ANO4: variants seen among roughly 807,000 people sequenced by gnomAD.
The protein encoded by ANO4 is anoctamin 4.
A neutral mutation model predicts 141.9 loss-of-function variants in ANO4; 69 were observed. The ratio of observed to expected loss-of-function variants is 0.49; its 90% CI spans 0.40 to 0.59. The LOEUF (loss-of-function observed/expected upper bound fraction) is 0.59. Among genes scored for constraint, ANO4 ranks in the 20% least tolerant of loss-of-function variants. ANO4 has a pLI of 0.00. For synonymous variants in ANO4, 350 were observed against 394.3 expected (o/e 0.89, Z 1.33); for missense variants, 894 against 1,162.2 (o/e 0.77, Z 3.36).
chr12:101,110,317 G>T, intron 22 of ANO4, 87 bp from the exon 23 acceptor site: 1 of 1,367,378 alleles, frequency 7.3e-7, no homozygotes, highest in South Asian at 1.8e-5. Context: ...TGGGACTTAA[G>T]ACAATAACAT....
chr12:100,776,810 G>C (rs949884181), intron 3 of ANO4, among the ~76,000 whole-genome samples: 2 of 152,122 alleles, frequency 1.3e-5, no homozygotes, highest in African/African-American at 4.8e-5. Context: ...TTTTGCATTG[G>C]GAGTAATTTT....
At chr12:101,046,686 C>T (rs1362972030) in intron 13 of ANO4, among the ~76,000 whole-genome samples, 1 of 152,116 alleles carries the variant, frequency 6.6e-6, no homozygotes, top group African/African-American at 2.4e-5. Context: ...AACCGGAGCC[C>T]CTATAACCTT....
At chr12:101,013,956 A>AT (rs768016210) in intron 8 of ANO4, among the ~76,000 whole-genome samples, 210 of 152,290 alleles carry the variant, frequency 1.4e-3, no homozygotes, top group South Asian at 2.5e-3. Flanking sequence ...TAATAAGCTG[A>AT]TTTTAGATCC....
chr12:101,121,731 C>T (rs2051100626), intron 26 of ANO4, among the ~76,000 whole-genome samples: 1 of 151,068 alleles, frequency 6.6e-6, no homozygotes, highest in African/African-American at 2.4e-5. Context: ...TGAAGCCTCG[C>T]CAGCATCTGT....
At chr12:100,722,299 C>T (rs553174483) in intron 1 of ANO4, among the ~76,000 whole-genome samples, 1 of 152,314 alleles carries the variant, frequency 6.6e-6, no homozygotes, top group Non-Finnish European at 1.5e-5. Context: ...GGTTCCTCTG[C>T]TTCTAGTCCT....
rs1368938509 is a variant in ANO4, at chr12:101,043,535, C to G, written c.1155-4C>G. 6.2e-7 allele frequency: 1 copy of G among 1,608,650 alleles called. No individual in the cohort carries two copies. The highest frequency in any genetic ancestry group is 1.1e-5 in the South Asian group (1 of 90,862). On this transcript the variant is annotated splice_region_variant and splice_polypyrimidine_tract_variant and intron_variant, in intron 12 of 27. Transcript: ENST00000392977. ...AAAGCAGTCCTTTCTGTTCTCTTTT[C>G]CAGTAAAGAAGTCTGCCAAGCTACA...
intron 14 of ANO4, among the ~76,000 whole-genome samples, chr12:101,074,391 C>T (rs367921396): frequency 6.6e-5 from 10 of 152,132 alleles, no homozygotes; most frequent in South Asian, 2.1e-4. Context: ...AAAGTGGATA[C>T]GGAAAAAGCA....
intron 1 of ANO4, among the ~76,000 whole-genome samples, chr12:100,880,510 A>G (rs1490861191): frequency 1.3e-5 from 2 of 152,162 alleles, no homozygotes; most frequent in African/African-American, 4.8e-5. Flanking sequence ...CTTAATCACT[A>G]TATTATATTA....
chr12:100,788,407 A>G (rs750188579), intron 3 of ANO4, among the ~76,000 whole-genome samples: 6 of 152,184 alleles, frequency 3.9e-5, no homozygotes, highest in Non-Finnish European at 8.8e-5. Flanking sequence ...TCAGCTTGCC[A>G]TTCTTGGTCA....
At chr12:100,900,536 G>A (rs2040547523) in intron 1 of ANO4, among the ~76,000 whole-genome samples, 1 of 147,828 alleles carries the variant, frequency 6.8e-6, no homozygotes, top group Non-Finnish European at 1.5e-5. Context: ...CCACCTATGA[G>A]TGAGAACATG....
intron 11 of ANO4, 36 bp downstream of exon 11, chr12:101,040,112 A>G (rs1244342509): frequency 1.3e-6 from 2 of 1,578,238 alleles, no homozygotes; most frequent in East Asian, 2.3e-5. Context: ...TAAAGCTTGC[A>G]CAGAATGATT....
chr12:101,071,109 G>A (rs1031841765), intron 14 of ANO4, among the ~76,000 whole-genome samples: 32 of 152,088 alleles, frequency 2.1e-4, no homozygotes, highest in African/African-American at 7.2e-4. Flanking sequence ...GAAAAGTTTC[G>A]AGGTTCCTCA....
chr12:100,922,372 G>T (rs1170688197), intron 3 of ANO4, 42 bp downstream of exon 3: 1 of 1,410,620 alleles, frequency 7.1e-7, no homozygotes. Flanking sequence ...GAGAGAAGAA[G>T]CTATTATAAT....
intron 1 of ANO4, among the ~76,000 whole-genome samples, chr12:100,802,578 A>C (rs566391234): frequency 5.8e-4 from 88 of 152,336 alleles, no homozygotes; most frequent in African/African-American, 1.9e-3. Flanking sequence ...TTGCTTGTGG[A>C]GTGAGAGATG....
At chr12:100,826,875 C>T (rs2036374393) in intron 1 of ANO4, among the ~76,000 whole-genome samples, 2 of 151,884 alleles carry the variant, frequency 1.3e-5, no homozygotes, top group Non-Finnish European at 1.5e-5. Context: ...TTTCACATCC[C>T]ACATCTGTCA....
chr12:100,884,807 G>A (rs972095918), intron 1 of ANO4, among the ~76,000 whole-genome samples: 12 of 152,144 alleles, frequency 7.9e-5, no homozygotes, highest in South Asian at 4.1e-4. Flanking sequence ...CGATTCTCCC[G>A]CCTCAGCCCC....
chr12:100,782,097 G>A (rs1014631609), intron 3 of ANO4, among the ~76,000 whole-genome samples: 1 of 152,112 alleles, frequency 6.6e-6, no homozygotes, highest in Non-Finnish European at 1.5e-5. Context: ...CAAAAGCTGG[G>A]TCATCCCTTC....
chr12:100,755,112 A>G (rs2032551859), intron 3 of ANO4, among the ~76,000 whole-genome samples: 1 of 152,192 alleles, frequency 6.6e-6, no homozygotes, highest in South Asian at 2.1e-4. Context: ...ATCTCTGGCA[A>G]CCTGTAGTTT....
intron 5 of ANO4, among the ~76,000 whole-genome samples, chr12:100,944,040 T>C (rs919194245): frequency 3.3e-5 from 5 of 152,234 alleles, no homozygotes; most frequent in Non-Finnish European, 7.3e-5. Flanking sequence ...CTTTGTTCAA[T>C]TAATGCAAGA....
Sources: allele counts gnomAD v4.1 joint callset (sites outside exome capture counted in the v4.1 genomes callset), GRCh38; gene constraint gnomAD v4.1.1; transcripts MANE v1.5; gene names NCBI Gene and HGNC (gene_info 2026-07-23, HGNC 2026-07-21).